The following NCR2 variants were observed in gnomAD, a reference collection of about 807,000 sequenced individuals.
NCR2 encodes NK cell activating receptor (NKp44).
In NCR2, 35 loss-of-function variants were observed where a neutral mutation model predicts 30.7. The observed-to-expected ratio is 1.14, with a 90% confidence interval of 0.87 to 1.51. The LOEUF is 1.51. NCR2 is among the 40% of genes most tolerant of loss of function. The pLI, the probability that NCR2 is intolerant of heterozygous loss-of-function variation, is 0.00. For synonymous variants in NCR2, 146 were observed against 134.8 expected (o/e 1.08, Z -0.58); for missense variants, 316 against 328.9 (o/e 0.96, Z 0.30).
chr6:41,342,631 T>C (rs1051621888), intron 4 of NCR2, among the ~76,000 whole-genome samples: 1 of 151,672 alleles, frequency 6.6e-6, no homozygotes, highest in African/African-American at 2.4e-5. Flanking sequence ...TCCCTCCCAC[T>C]ACCTGCCCTT....
Position 41,336,315 on chromosome 6 carries a change from T to G in NCR2, c.281T>G (p.Val94Gly). 1 of 1,614,106 alleles carries G rather than the reference T, an allele frequency of 6.2e-7. No homozygotes were observed. Among genetic ancestry groups the G allele is most frequent in the South Asian group, 1.1e-5 (1 of 91,086 alleles). Reference protein sequence around the residue: ...WDDPDAGFFTVTMTDLREEDS... With the variant: ...WDDPDAGFFTGTMTDLREEDS... ...GACCCTGATGCTGGCTTCTTCACTG[T>G]CACCATGACTGATCTGAGAGAGGAA... The change falls in exon 2 of 5, where the codon GTC becomes GGC. Residue 94 changes from valine to glycine, a missense_variant. Physicochemically the swap from Val to Gly is moderately radical, Grantham distance 109. Transcript: ENST00000373089.
At chr6:41,339,515 G>A (rs900620228) in intron 2 of NCR2, among the ~76,000 whole-genome samples, 6 of 151,994 alleles carry the variant, frequency 3.9e-5, no homozygotes, top group African/African-American at 1.5e-4. Flanking sequence ...CTCCCAAGTA[G>A]CTGGGACTAC....
chr6:41,346,680 C>CA (rs1769307127), intron 4 of NCR2, among the ~76,000 whole-genome samples: 1 of 152,174 alleles, frequency 6.6e-6, no homozygotes, highest in South Asian at 2.1e-4. Context: ...CGAAATGTCT[C>CA]ACTGTCAGCA....
intron 2 of NCR2, among the ~76,000 whole-genome samples, chr6:41,339,665 G>A (rs1040818613): frequency 2.0e-5 from 3 of 152,146 alleles, no homozygotes; most frequent in East Asian, 1.9e-4. Flanking sequence ...GATTACAGGC[G>A]TGAGCCACTG....
intron 2 of NCR2, among the ~76,000 whole-genome samples, chr6:41,338,516 A>ACT (rs1468871265): frequency 6.6e-6 from 1 of 152,136 alleles, no homozygotes; most frequent in East Asian, 1.9e-4. Flanking sequence ...ATCAGAACAT[A>ACT]CTCTTACATA....
At chr6:41,346,756 C>T (rs1769309178) in intron 4 of NCR2, among the ~76,000 whole-genome samples, 1 of 151,754 alleles carries the variant, frequency 6.6e-6, no homozygotes, top group Admixed American at 6.6e-5. Flanking sequence ...TCCTCCCTCT[C>T]CACATGCTCA....
At chr6:41,340,888 G>A (rs1056384180) in intron 2 of NCR2, among the ~76,000 whole-genome samples, 6 of 152,022 alleles carry the variant, frequency 3.9e-5, no homozygotes, top group East Asian at 1.9e-4. Flanking sequence ...AGGTCCATAG[G>A]CCTGTGACTC....
At chr6:41,349,983 A>G (rs1769389922) in intron 4 of NCR2, among the ~76,000 whole-genome samples, 3 of 152,168 alleles carry the variant, frequency 2.0e-5, no homozygotes, top group Non-Finnish European at 4.4e-5. Flanking sequence ...CACTTTCAAG[A>G]GTTTGCCTGG....
intron 2 of NCR2, among the ~76,000 whole-genome samples, chr6:41,337,823 T>C (rs1422303875): frequency 6.6e-6 from 1 of 152,210 alleles, no homozygotes; most frequent in African/African-American, 2.4e-5. Context: ...CAAAACTTTA[T>C]CCTAAAACTT....
intron 2 of NCR2, among the ~76,000 whole-genome samples, chr6:41,338,907 A>G (rs771563982): frequency 6.6e-6 from 1 of 152,240 alleles, no homozygotes; most frequent in Non-Finnish European, 1.5e-5. Context: ...TCTTTGCAGT[A>G]CAAAATGTTA....
Position 41,350,758 on chromosome 6 carries a change from C to T in NCR2, c.725C>T (p.Thr242Met), listed in dbSNP as rs759457970. Residue 242 changes from threonine to methionine, a missense_variant, in exon 5 of 5, where the codon ACG becomes ATG. By Grantham distance (81) the Thr-to-Met change is moderately conservative. Transcript: ENST00000373089. ...GCCACCTGCCACCTTCAACAGGTCA[C>T]GGACCTTCCCTGGACCTCAGTTTCC... ...QKATCHLQQV[T>M]DLPWTSVSSP... is the part of the protein sequence containing the mutation. The T allele has an allele frequency of 1.9e-5, 31 of 1,606,468 alleles. No homozygotes were observed. The highest frequency in any genetic ancestry group is 1.3e-4 in the Admixed American group (8 of 60,006).
chr6:41,335,632 A>C lies in NCR2; in HGVS notation c.-245A>C, dbSNP rs1768999160. 1 of 547,442 alleles carries C rather than the reference A, an allele frequency of 1.8e-6. No individual in the cohort carries two copies. Among genetic ancestry groups the C allele is most frequent in the South Asian group, 2.0e-5 (1 of 49,898 alleles). 33.9% of individuals were successfully genotyped at this position (547,442 alleles called of 1,614,324 possible). The stretch of plus-strand genomic sequence containing the variant: ...CAGGCATCTTCTACAGAGGCCTGGG[A>C]AGCTGTGTGCCAGACAGCGCCGAGC... On this transcript the variant is annotated 5_prime_UTR_variant, in exon 1 of 5. Transcript: ENST00000373089.
intron 2 of NCR2, among the ~76,000 whole-genome samples, chr6:41,339,251 G>A (rs964738736): frequency 4.0e-5 from 6 of 151,750 alleles, no homozygotes; most frequent in African/African-American, 9.7e-5. Flanking sequence ...TAGTAGAGAT[G>A]GGGTTTCACC....
chr6:41,341,528 C>A (rs1323621214), intron 2 of NCR2, among the ~76,000 whole-genome samples: 1 of 152,146 alleles, frequency 6.6e-6, no homozygotes, highest in African/African-American at 2.4e-5. Context: ...CATCCAAAGA[C>A]TCGAGTGCCT....
At chr6:41,336,485 C>T in intron 2 of NCR2, 57 bp downstream of exon 2, 1 of 1,445,108 alleles carries the variant, frequency 6.9e-7, no homozygotes, top group Non-Finnish European at 9.5e-7. Flanking sequence ...TTTGGTGCCT[C>T]CATCACCCCT....
At chr6:41,349,118 A>G (rs1769372745) in intron 4 of NCR2, among the ~76,000 whole-genome samples, 2 of 146,642 alleles carry the variant, frequency 1.4e-5, no homozygotes, top group South Asian at 4.2e-4. Flanking sequence ...TATTTTTTAT[A>G]TTTTATTTAT....
chr6:41,348,116 G>A (rs955362132), intron 4 of NCR2, among the ~76,000 whole-genome samples: 2 of 152,162 alleles, frequency 1.3e-5, no homozygotes, highest in South Asian at 4.1e-4. Flanking sequence ...TTGAAGGAAG[G>A]TATATTAAAG....
rs769256427 is a variant in NCR2, at chr6:41,335,862, C to T, written c.-15C>T. On this transcript the variant is annotated 5_prime_UTR_variant, in exon 1 of 5. It introduces an in-frame stop codon into an upstream open reading frame of the 5' UTR. Coordinates refer to ENST00000373089, the MANE Select transcript of NCR2 (RefSeq NM_004828.4). ...CCAGGTGTCCCCTCCCATGAGCGCACAGGAAAAGGACCACATGGCCTGGCG... is the reference window on the plus strand; with the variant it reads ...CCAGGTGTCCCCTCCCATGAGCGCATAGGAAAAGGACCACATGGCCTGGCG... The T allele has an allele frequency of 1.3e-6, 2 of 1,563,172 alleles. No individual in the cohort carries two copies. The highest frequency in any genetic ancestry group is 2.4e-5 in the South Asian group (2 of 85,036).
At chr6:41,344,951 T>C (rs1769266818) in intron 4 of NCR2, among the ~76,000 whole-genome samples, 1 of 152,150 alleles carries the variant, frequency 6.6e-6, no homozygotes, top group South Asian at 2.1e-4. Flanking sequence ...AGTGTAAGTC[T>C]AGACCCAGGG....
Sources: gnomAD v4.1 joint callset for allele counts (sites outside exome capture counted in the v4.1 genomes callset) on GRCh38, gnomAD v4.1.1 for gene constraint, MANE v1.5 for transcripts, NCBI Gene and HGNC (gene_info 2026-07-23, HGNC 2026-07-21) for gene names.